Variants in TTI1 observed in about 807,000 individuals in gnomAD.
The protein encoded by TTI1 is TELO2 interacting protein 1.
Under a neutral mutation model 85.4 loss-of-function variants are expected in TTI1, and 52 were observed. That is an observed-to-expected ratio of 0.61 (90% CI 0.49 to 0.77). TTI1 has a LOEUF of 0.77. TTI1 is among the 30% of genes least tolerant of loss of function. The probability of loss-of-function intolerance (pLI) is 0.00; values close to 1 mark genes in which losing one functional copy is unlikely to be tolerated. For synonymous variants in TTI1, 512 were observed against 503.9 expected, an observed-to-expected ratio of 1.02 and a Z score of -0.22; for missense variants, 1,173 against 1,296.0, an observed-to-expected ratio of 0.91 and a Z score of 1.46.
At chr20:37,986,542 G>A (rs1443962435) in intron 7 of TTI1, among the ~76,000 whole-genome samples, 3 of 152,196 alleles carry the variant, frequency 2.0e-5, no homozygotes, top group Admixed American at 2.0e-4. Context: ...AGGGGCAGAT[G>A]CCCCAGAATG....
chr20:38,019,627 CA>C (rs546723828), intron 1 of TTI1, among the ~76,000 whole-genome samples: 1 of 148,050 alleles, frequency 6.8e-6, no homozygotes, highest in African/African-American at 2.5e-5. Flanking sequence ...GGCAAAAATG[CA>C]AAAAAAAAGA....
intron 1 of TTI1, among the ~76,000 whole-genome samples, chr20:38,029,339 T>C (rs2073876270): frequency 6.6e-6 from 1 of 151,732 alleles, no homozygotes; most frequent in Non-Finnish European, 1.5e-5. Context: ...TAGTACTAAG[T>C]CATATATTAG....
At chr20:38,017,303 T>C (rs2073696082) in intron 1 of TTI1, among the ~76,000 whole-genome samples, 1 of 152,038 alleles carries the variant, frequency 6.6e-6, no homozygotes, top group African/African-American at 2.4e-5. Flanking sequence ...CCAAATAAAT[T>C]ACAAAAATCA....
chr20:37,992,614 A>T (rs2073280623), intron 7 of TTI1, among the ~76,000 whole-genome samples: 1 of 152,170 alleles, frequency 6.6e-6, no homozygotes, highest in Admixed American at 6.5e-5. Flanking sequence ...AGTATTGTCT[A>T]GTTTTGTTTC....
chr20:37,993,967 G>A (rs2073302876), intron 7 of TTI1, among the ~76,000 whole-genome samples: 1 of 152,196 alleles, frequency 6.6e-6, no homozygotes, highest in South Asian at 2.1e-4. Flanking sequence ...CTGGCCTAGT[G>A]GTTTGGAGGT....
At chr20:38,032,289 G>C (rs570229221) in intron 1 of TTI1, among the ~76,000 whole-genome samples, 109 of 152,328 alleles carry the variant, frequency 7.2e-4, no homozygotes, top group Non-Finnish European at 1.6e-4. Context: ...CACTGCGTTA[G>C]CTATGATTAT....
chr20:37,999,420 G>T, intron 4 of TTI1, 92 bp from the exon 5 acceptor site: 1 of 1,268,202 alleles, frequency 7.9e-7, no homozygotes, highest in Non-Finnish European at 1.0e-6. Context: ...ATTTAGAAAC[G>T]TATTAATTGG....
Position 37,990,230 on chromosome 20 carries a change from A to T in TTI1, c.3086+6145T>A, listed in dbSNP as rs142684784. ...ACTTCCTTCCTTTTTTCTTTGTTGC[A>T]AACAATTTATAAGATGTTCCAAGTC... On this transcript the variant is annotated intron_variant, in intron 7 of 7. Coordinates refer to ENST00000373447, the MANE Select transcript of TTI1 (RefSeq NM_001303457.2). 8.0e-3 allele frequency among the ~76,000 whole-genome samples: 1,216 copies of T among 152,276 alleles called. 6 individuals are homozygous for T. Among genetic ancestry groups the T allele is most frequent in the African/African-American group, 0.023 (950 of 41,546 alleles).
In TTI1 at chr20:37,995,747, T is replaced by C. The variant is rs147460157; in HGVS notation, c.3086+628A>G. On this transcript the variant is annotated intron_variant, in intron 7 of 7. Transcript: ENST00000373447. Reference sequence around the variant, plus strand: ...CTTCTCCTAGAGGTGATACAGCTTTTCTCAAATAAGCATGGTCAAACTCTT... The same window carrying C: ...CTTCTCCTAGAGGTGATACAGCTTTCCTCAAATAAGCATGGTCAAACTCTT... Among the ~76,000 whole-genome samples the C allele has an allele frequency of 2.0e-3, 300 of 152,328 alleles. 1 individual carries two copies. The highest frequency in any genetic ancestry group is 6.8e-3 in the African/African-American group (284 of 41,566).
At chr20:38,032,504 A>T (rs1276873410) in intron 1 of TTI1, among the ~76,000 whole-genome samples, 2 of 152,232 alleles carry the variant, frequency 1.3e-5, no homozygotes, top group African/African-American at 4.8e-5. Context: ...GGCAGTAAGA[A>T]AAACAAAATT....
In TTI1 at chr20:38,000,124, G is replaced by A. The variant is rs1311655204; in HGVS notation, c.2653-796C>T. On this transcript the variant is annotated intron_variant, in intron 4 of 7. Coordinates refer to ENST00000373447, the MANE Select transcript of TTI1 (RefSeq NM_001303457.2). ...TGGAGATGACGTGGCTTAAATTGCT[G>A]AAGGACTGGATACTGGGGAGGGGAA... is the stretch of plus-strand genomic sequence containing the variant. Among the ~76,000 whole-genome samples, 3 of 152,314 alleles carry A rather than the reference G, an allele frequency of 2.0e-5. No homozygotes were observed. In the East Asian group the frequency reaches 5.8e-4, roughly 29 times the overall value.
intron 7 of TTI1, among the ~76,000 whole-genome samples, chr20:37,988,193 C>T (rs1417509425): frequency 6.6e-6 from 1 of 152,180 alleles, no homozygotes; most frequent in African/African-American, 2.4e-5. Flanking sequence ...AAGTGATGTG[C>T]GGGTGGCACC....
chr20:38,010,903 C>T (rs2073576913), intron 2 of TTI1, among the ~76,000 whole-genome samples: 1 of 152,170 alleles, frequency 6.6e-6, no homozygotes. Context: ...CTGCTCTGTC[C>T]AGTATGGTAG....
At chr20:37,989,172 C>G (rs2122484063) in intron 7 of TTI1, among the ~76,000 whole-genome samples, 1 of 152,336 alleles carries the variant, frequency 6.6e-6, no homozygotes, top group Admixed American at 6.5e-5. Flanking sequence ...GATTTACTCT[C>G]CAAATAAATA....
At chr20:38,023,051 C>T (rs1476533679) in intron 1 of TTI1, among the ~76,000 whole-genome samples, 3 of 152,294 alleles carry the variant, frequency 2.0e-5, no homozygotes, top group African/African-American at 4.8e-5. Flanking sequence ...ATGTAAGAAT[C>T]GCCAATACAA....
chr20:37,983,912 C>A lies in TTI1; in HGVS notation c.3087-273G>T, dbSNP rs563464910. On this transcript the variant is annotated intron_variant, in intron 7 of 7. Coordinates refer to ENST00000373447, the MANE Select transcript of TTI1 (RefSeq NM_001303457.2). ...TGAGCAGAACAATATTGACAGCAAA[C>A]AAGCTCTTGGCAAAGAAAGAGGTTG... 1.0e-3 allele frequency among the ~76,000 whole-genome samples: 157 copies of A among 152,326 alleles called. 2 individuals carry two copies. Among genetic ancestry groups the A allele is most frequent in the African/African-American group, 3.7e-3 (154 of 41,550 alleles).
Position 37,999,181 on chromosome 20 carries a change from G to T in TTI1, c.2793+7C>A, listed in dbSNP as rs769325415. The T allele has an allele frequency of 3.5e-6, 5 of 1,417,854 alleles. No individual in the cohort carries two copies. In the African/African-American group the frequency reaches 5.9e-5, roughly 17 times the overall value. The allele number at this position is 1,417,854 out of a possible 1,614,324, so 87.8% of individuals were successfully genotyped here. A position where few individuals can be genotyped will look rare whatever the true frequency, so the allele number is the denominator to read the frequency against. ...ACAACAGACCATGGGGGATGCTGGTGCAGTACCTTGAAGGCTCTAAGCACT... is the reference window on the plus strand; with the variant it reads ...ACAACAGACCATGGGGGATGCTGGTTCAGTACCTTGAAGGCTCTAAGCACT... On this transcript the variant is annotated splice_region_variant and intron_variant, in intron 5 of 7. Transcript: ENST00000373447.
At chr20:37,998,763 G>C (rs1032446819) in intron 5 of TTI1, among the ~76,000 whole-genome samples, 1 of 152,198 alleles carries the variant, frequency 6.6e-6, no homozygotes, top group Non-Finnish European at 1.5e-5. Flanking sequence ...CCCACTGCTA[G>C]AACCTCAGCC....
chr20:37,999,351 A>C (rs745490029), intron 4 of TTI1, 23 bp from the exon 5 acceptor site: 1 of 1,381,770 alleles, frequency 7.2e-7, no homozygotes, highest in African/African-American at 1.5e-5. Flanking sequence ...CGATTTCAGC[A>C]GATGGTATAG....
Sources: gnomAD v4.1 joint callset for allele counts (sites outside exome capture counted in the v4.1 genomes callset) on GRCh38, gnomAD v4.1.1 for gene constraint, MANE v1.5 for transcripts, NCBI Gene and HGNC (gene_info 2026-07-23, HGNC 2026-07-21) for gene names.